The following MRRF variants were observed in gnomAD, a reference collection of about 807,000 sequenced individuals.
MRRF encodes the protein ribosome-recycling factor, mitochondrial.
Under a neutral mutation model 25.1 loss-of-function variants are expected in MRRF, and 18 were observed. The observed-to-expected ratio is 0.72, with a 90% confidence interval of 0.50 to 1.06. The LOEUF is 1.06. Among genes scored for constraint, MRRF ranks in the 50% least tolerant of loss-of-function variants. The pLI is 0.00. For synonymous variants in MRRF, 113 were observed against 112.1 expected (o/e 1.01, Z -0.05); for missense variants, 323 against 319.3 (o/e 1.01, Z -0.09).
intron 1 of MRRF, among the ~76,000 whole-genome samples, chr9:122,270,304 C>G (rs1452001387): frequency 6.6e-6 from 1 of 152,202 alleles, no homozygotes; most frequent in African/African-American, 2.4e-5. Flanking sequence ...AGCTCTAGTT[C>G]TATACCATGG....
intron 5 of MRRF, among the ~76,000 whole-genome samples, chr9:122,309,674 G>A (rs1298646347): frequency 6.6e-6 from 1 of 152,164 alleles, no homozygotes; most frequent in Non-Finnish European, 1.5e-5. Context: ...ATGTGTTTGT[G>A]TAATGACTGC....
chr9:122,292,186 A>G (rs1833816716), intron 5 of MRRF, among the ~76,000 whole-genome samples: 1 of 152,200 alleles, frequency 6.6e-6, no homozygotes, highest in Non-Finnish European at 1.5e-5. Context: ...CTTGGTAAGG[A>G]TGATGGTGGC....
intron 1 of MRRF, among the ~76,000 whole-genome samples, chr9:122,266,622 A>C (rs1042926814): frequency 8.5e-5 from 13 of 152,356 alleles, no homozygotes; most frequent in Admixed American, 7.2e-4. Context: ...CACTCATAGA[A>C]GTGCTTATGT....
rs1008924902 is a variant in MRRF at position 122,327,898 on chromosome 9, G to A, written c.*5281G>A. On this transcript the variant is annotated 3_prime_UTR_variant, in exon 7 of 7. Coordinates refer to ENST00000344641, the MANE Select transcript of MRRF (RefSeq NM_138777.5). ...TTTTTTTTGGAATTGGGTTTTGTTC[G>A]ATGAACCATTCTGAAACTCCTTTTT... The A allele has an allele frequency of 7.3e-5, 11 of 150,056 alleles. No individual in the cohort carries two copies. Among genetic ancestry groups the A allele is most frequent in the East Asian group, 1.9e-4 (1 of 5,158 alleles). 9.3% of individuals were successfully genotyped at this position (150,056 alleles called of 1,614,324 possible).
intron 4 of MRRF, chr9:122,286,139 C>A: frequency 7.9e-7 from 1 of 1,263,586 alleles, no homozygotes; most frequent in South Asian, 1.2e-5. Context: ...ACTCTCTGGG[C>A]CTCCATTTCC....
At chr9:122,267,564 C>T (rs1832195175) in intron 1 of MRRF, among the ~76,000 whole-genome samples, 1 of 152,008 alleles carries the variant, frequency 6.6e-6, no homozygotes, top group Admixed American at 6.5e-5. Context: ...CCTTAGCATC[C>T]CAAGTAACTG....
chr9:122,266,594 A>G (rs1349401399), intron 1 of MRRF, among the ~76,000 whole-genome samples: 1 of 152,248 alleles, frequency 6.6e-6, no homozygotes, highest in Non-Finnish European at 1.5e-5. Context: ...TTTATATGCA[A>G]GAGCCTGCGT....
At chr9:122,306,360 C>T (rs973152059) in intron 5 of MRRF, among the ~76,000 whole-genome samples, 20 of 152,068 alleles carry the variant, frequency 1.3e-4, no homozygotes, top group Non-Finnish European at 2.4e-4. Flanking sequence ...TTGTTTAATC[C>T]TCACAATAAT....
At chr9:122,291,431 C>G (rs186716525) in intron 4 of MRRF, among the ~76,000 whole-genome samples, 4 of 152,192 alleles carry the variant, frequency 2.6e-5, no homozygotes, top group African/African-American at 7.2e-5. Context: ...GACCAGCCCC[C>G]CTCCCTTGAG....
At chr9:122,321,733 T>C (rs138795223) in intron 6 of MRRF, among the ~76,000 whole-genome samples, 608 of 152,252 alleles carry the variant, frequency 4.0e-3, no homozygotes, top group Middle Eastern at 0.01. Flanking sequence ...CAGATGTACC[T>C]CATTTTTTTT....
intron 5 of MRRF, 136 bp from the exon 6 acceptor site, chr9:122,313,090 TC>T: frequency 1.1e-6 from 1 of 917,042 alleles, no homozygotes; most frequent in Non-Finnish European, 1.7e-6. Flanking sequence ...GTTTTCCTCC[TC>T]CTGGAAATTC....
intron 6 of MRRF, among the ~76,000 whole-genome samples, chr9:122,317,525 T>C (rs970282486): frequency 4.6e-5 from 7 of 152,174 alleles, no homozygotes; most frequent in Non-Finnish European, 7.4e-5. Flanking sequence ...GGGAAGTAAA[T>C]TGTTTTACAT....
In MRRF at chr9:122,330,057, T is replaced by G. The variant is rs972294202; in HGVS notation, c.*7440T>G. On this transcript the variant is annotated 3_prime_UTR_variant, in exon 7 of 7. Coordinates refer to ENST00000344641, the MANE Select transcript of MRRF (RefSeq NM_138777.5). The surrounding 1 kb of genome is among the most constrained non-coding windows in gnomAD (Gnocchi z 4.2). Reference sequence around the variant, plus strand: ...TCGGCCTCAGGCGTTTCTAGACATCTTAAGGGACCGCATGGCATCCAAGGC... The same window carrying G: ...TCGGCCTCAGGCGTTTCTAGACATCGTAAGGGACCGCATGGCATCCAAGGC... The G allele has an allele frequency of 6.6e-6, 1 of 152,314 alleles. No homozygotes were observed. Among genetic ancestry groups the G allele is most frequent in the African/African-American group, 2.4e-5 (1 of 41,468 alleles). The allele number at this position is 152,314 out of a possible 1,614,324, so 9.4% of individuals were successfully genotyped here.
chr9:122,313,343 A>G lies in MRRF; in HGVS notation c.668A>G (p.Lys223Arg). 8.7e-6 allele frequency: 14 copies of G among 1,614,174 alleles called. No homozygotes were observed. The highest frequency in any genetic ancestry group is 1.2e-5 in the Non-Finnish European group (14 of 1,179,972). ...TCAATGAACAAGCTGAAGAAATCCA[A>G]GGATACAGTCTCAGAGGACACCATT... ...TNSMNKLKKS[K>R]DTVSEDTIRL... is the part of the protein sequence containing the mutation. Residue 223 changes from lysine (K) to arginine (R), a missense_variant, in exon 6 of 7, where the codon AAG (lysine) becomes AGG (arginine). Transcript: ENST00000344641.
At chr9:122,314,105 A>G (rs1835368465) in intron 6 of MRRF, among the ~76,000 whole-genome samples, 2 of 152,186 alleles carry the variant, frequency 1.3e-5, no homozygotes, top group South Asian at 2.1e-4. Context: ...TTAGTCATGT[A>G]TGGCCACAAT....
Position 122,265,661 on chromosome 9 carries a change from C to T in MRRF, c.-29+723C>T, listed in dbSNP as rs1382874722. 5 of 873,076 alleles carry T rather than the reference C, an allele frequency of 5.7e-6. No individual in the cohort carries two copies. In the South Asian group the frequency reaches 6.9e-5, roughly 12 times the overall value. 54.1% of individuals were successfully genotyped at this position (873,076 alleles called of 1,614,324 possible). Reference sequence around the variant, plus strand: ...TGACCCCTTCATTTTATGGTTGAAACAAAATCTACGTAGGAGAAATCACTT... The same window carrying T: ...TGACCCCTTCATTTTATGGTTGAAATAAAATCTACGTAGGAGAAATCACTT... On this transcript the variant is annotated intron_variant, in intron 1 of 6. Coordinates refer to ENST00000344641, the MANE Select transcript of MRRF (RefSeq NM_138777.5).
intron 2 of MRRF, among the ~76,000 whole-genome samples, chr9:122,278,287 T>C (rs1352602824): frequency 6.6e-6 from 1 of 152,222 alleles, no homozygotes; most frequent in East Asian, 1.9e-4. Flanking sequence ...TTTCACAAGC[T>C]GAAATCACTT....
intron 5 of MRRF, among the ~76,000 whole-genome samples, chr9:122,312,479 G>A (rs1205189271): frequency 6.6e-6 from 1 of 152,124 alleles, no homozygotes; most frequent in Non-Finnish European, 1.5e-5. Flanking sequence ...TTTAACAGCT[G>A]CTCATCACTA....
chr9:122,285,055 C>T lies in MRRF; in HGVS notation c.341-114C>T, dbSNP rs1232944776. On this transcript the variant is annotated intron_variant, in intron 3 of 6. Coordinates refer to ENST00000344641, the MANE Select transcript of MRRF (RefSeq NM_138777.5). Reference sequence around the variant, plus strand: ...TTCCTCCCACTTCACTCCCAAAGCTCTGGGATAACAGGCATGAGCCACTGC... The same window carrying T: ...TTCCTCCCACTTCACTCCCAAAGCTTTGGGATAACAGGCATGAGCCACTGC... 12 of 738,616 alleles carry T rather than the reference C, an allele frequency of 1.6e-5. No homozygotes were observed. The East Asian group carries it at 3.2e-4, about 20-fold the overall frequency. The allele number at this position is 738,616 out of a possible 1,614,324, so 45.8% of individuals were successfully genotyped here.
Sources: allele counts gnomAD v4.1 joint callset (sites outside exome capture counted in the v4.1 genomes callset), GRCh38; gene constraint gnomAD v4.1.1; non-coding constraint Gnocchi (gnomAD v3.1); transcripts MANE v1.5; gene names NCBI Gene and HGNC (gene_info 2026-07-23, HGNC 2026-07-21).